Variants in PLEC observed in about 807,000 individuals in gnomAD.
The protein encoded by PLEC is plectin, also known as hemidesmosomal protein 1.
Under a neutral mutation model 392.8 loss-of-function variants are expected in PLEC, and 216 were observed. The ratio of observed to expected loss-of-function variants is 0.55; its 90% confidence interval spans 0.49 to 0.62. The LOEUF (loss-of-function observed/expected upper bound fraction) is 0.62. Among genes scored for constraint, PLEC ranks in the 20% least tolerant of loss-of-function variants. PLEC has a pLI of 0.00. For missense variants in PLEC, 6,863 were observed against 6,563.4 expected, an observed-to-expected ratio of 1.05 and a Z score of -1.58; for synonymous variants, 3,621 against 2,980.6, an observed-to-expected ratio of 1.21 and a Z score of -7.00.
chr8:143,925,585 C>T lies in PLEC; in HGVS notation c.4344G>A (p.Leu1448=), dbSNP rs1824816793. The stretch of plus-strand genomic sequence containing the variant: ...CCACGCGGATCTCCTCCTCGATGCG[C>T]AGCCGGCTGCGCTCAGCCGCCTCTG... ...RQAEAAERSR[L]RIEEEIRVVR... The change falls in exon 31 of 32, where the codon CTG becomes CTA. Residue 1448 remains leucine (L), a synonymous_variant. Transcript: ENST00000345136. 1.3e-6 allele frequency: 2 copies of T among 1,574,800 alleles called. No homozygotes were observed. The highest frequency in any genetic ancestry group is 2.3e-5 in the East Asian group (1 of 43,160).
In PLEC at chr8:143,950,358, G is replaced by A; in HGVS notation, c.349C>T (p.Gln117Ter). The change falls in exon 1 of 32, where the codon CAG becomes TAG. Residue 117 changes from glutamine (Q) to a stop codon, truncating the protein, a stop_gained. Coordinates refer to the PLEC transcript ENST00000322810. LOFTEE classifies it high-confidence loss of function. The stretch of plus-strand genomic sequence containing the variant: ...GAGCCCAGGGGACCCTGCACAGCCT[G>A]CACGTGGGGGGTGCGGCGTGCGGGC... The A allele has an allele frequency of 6.3e-7, 1 of 1,587,618 alleles. No homozygotes were observed. Among genetic ancestry groups the A allele is most frequent in the Non-Finnish European group, 8.6e-7 (1 of 1,168,208 alleles).
At chr8:143,944,523 T>C, upstream of PLEC, 1 of 514,768 alleles carries the variant, frequency 1.9e-6, no homozygotes, top group South Asian at 4.9e-5. Flanking sequence ...TGAGGGCACA[T>C]GAGGCAGGCT....
Position 143,965,034 on chromosome 8 carries a change from C to T in PLEC, c.70+8369G>A, listed in dbSNP as rs1431842287. ...ACCCTGGTGTGCCCCTGTGGATGGCCTTCCCCACCCTCACCGTCCCACTTG... is the reference window on the plus strand; with the variant it reads ...ACCCTGGTGTGCCCCTGTGGATGGCTTTCCCCACCCTCACCGTCCCACTTG... On this transcript the variant is annotated intron_variant, in intron 1 of 31. Transcript: ENST00000356346. 2.7e-5 allele frequency among the ~76,000 whole-genome samples: 3 copies of T among 110,000 alleles called. No individual in the cohort carries two copies. In the East Asian group the frequency reaches 9.3e-4, roughly 34 times the overall value. The allele number at this position is 110,000 out of a possible 152,430, so 72.2% of individuals were successfully genotyped here.
intron 1 of PLEC, among the ~76,000 whole-genome samples, chr8:143,947,025 G>A (rs1276462577): frequency 6.6e-6 from 1 of 152,108 alleles, no homozygotes; most frequent in African/African-American, 2.4e-5. Flanking sequence ...AAATCCCATC[G>A]TAACTACCCC....
chr8:143,953,939 C>G, upstream of PLEC: 1 of 1,398,068 alleles, frequency 7.2e-7, no homozygotes, highest in African/African-American at 1.5e-5. Flanking sequence ...CAGGGCCGCC[C>G]CGGGCGCATG....
intron 18 of PLEC, 36 bp from the exon 19 acceptor site, chr8:143,931,695 G>A (rs1554715669): frequency 6.3e-7 from 1 of 1,584,058 alleles, no homozygotes; most frequent in Non-Finnish European, 8.6e-7. Flanking sequence ...CAGGCTACCT[G>A]GGACCAGAGC....
rs782350953 is a variant in PLEC, at chr8:143,934,875, A to G, written c.880T>C (p.Trp294Arg). The G allele has an allele frequency of 6.2e-7, 1 of 1,611,468 alleles. No individual in the cohort carries two copies. Among genetic ancestry groups the G allele is most frequent in the Non-Finnish European group, 8.5e-7 (1 of 1,179,792 alleles). ...AAGGCGGCCGTGTGGTGTCGCATCC[A>G]CTGAAGCAGCAGCAGCACCAGCTCC... ...YRELVLLLLQ[W>R]MRHHTAAFEE... Residue 294 changes from tryptophan to arginine, a missense_variant, in exon 9 of 32, where the codon TGG becomes CGG. Trp to Arg is a moderately radical substitution (Grantham distance 101). Coordinates refer to ENST00000345136, the MANE Select transcript of PLEC (RefSeq NM_201384.3).
rs367564112 is a variant in PLEC at position 143,918,098 on chromosome 8, G to A, written c.11723C>T (p.Ala3908Val). The A allele has an allele frequency of 4.4e-5, 71 of 1,596,880 alleles. No individual in the cohort carries two copies. The highest frequency in any genetic ancestry group is 5.1e-5 in the Non-Finnish European group (60 of 1,175,642). The change falls in exon 32 of 32, where the codon GCG becomes GTG. Residue 3908 changes from alanine (A) to valine (V), a missense_variant. Coordinates refer to ENST00000345136, the MANE Select transcript of PLEC (RefSeq NM_201384.3). ...VRSQVMDEAT[A>V]LQLREGLTSI... ...GGTCAGGCCCTCCCGCAGCTGCAGCGCCGTGGCCTCGTCCATGACCTGCGA... is the reference window on the plus strand; with the variant it reads ...GGTCAGGCCCTCCCGCAGCTGCAGCACCGTGGCCTCGTCCATGACCTGCGA...
Position 143,918,747 on chromosome 8 carries a change from C to T in PLEC, c.11074G>A (p.Val3692Met), listed in dbSNP as rs201892506. 3.6e-5 allele frequency: 58 copies of T among 1,612,932 alleles called. No homozygotes were observed. The highest frequency in any genetic ancestry group is 1.6e-4 in the Middle Eastern group (1 of 6,084). The change falls in exon 32 of 32, where the codon GTG (valine) becomes ATG (methionine). Residue 3692 changes from valine to methionine, a missense_variant. Transcript: ENST00000345136. ...GAACCGGGCAGGTAGACACCAGCCA[C>T]GGAGCCCGTGCCATAGAGGTAGCAC... The part of the protein sequence containing the change: ...AWCYLYGTGS[V>M]AGVYLPGSRQ...
rs1288963885 is a variant in PLEC, at chr8:143,973,246, C to G, written c.70+157G>C. Among the ~76,000 whole-genome samples, 1 of 152,098 alleles carries G rather than the reference C, an allele frequency of 6.6e-6. No individual in the cohort carries two copies. Among genetic ancestry groups the G allele is most frequent in the African/African-American group, 2.4e-5 (1 of 41,432 alleles). ...TCAGCGGAGCGAGTCCTCCCCTTCCCTAGGCACTGGCAGCCGTTGGGGGCG... is the reference window on the plus strand; with the variant it reads ...TCAGCGGAGCGAGTCCTCCCCTTCCGTAGGCACTGGCAGCCGTTGGGGGCG... On this transcript the variant is annotated intron_variant, in intron 1 of 31. Transcript: ENST00000356346. The surrounding 1 kb of genome is among the most constrained non-coding windows in gnomAD (Gnocchi z 5.6).
intron 6 of PLEC, 142 bp from the exon 7 acceptor site, chr8:143,935,455 T>A: frequency 2.8e-6 from 2 of 704,754 alleles, no homozygotes; most frequent in Non-Finnish European, 5.1e-6. Context: ...CACTGTCACA[T>A]GGGCAGAGCT....
chr8:143,932,463 C>T lies in PLEC; in HGVS notation c.1914G>A (p.Glu638=), dbSNP rs782191395. ...GGTCGCTCCAGTCGAAGCCCACCTC[C>T]TCCTCCTCCTTCTCATTCAGCCACA... ...ELMWLNEKEE[E]EVGFDWSDRN... The change falls in exon 16 of 32, where the codon GAG becomes GAA. Residue 638 remains glutamate, a synonymous_variant. Transcript: ENST00000345136. 3 of 1,612,852 alleles carry T rather than the reference C, an allele frequency of 1.9e-6. No homozygotes were observed. Among genetic ancestry groups the T allele is most frequent in the Non-Finnish European group, 8.5e-7 (1 of 1,179,988 alleles).
rs377575422 is a variant in PLEC, at chr8:143,920,611, G to A, written c.9210C>T (p.Pro3070=). Residue 3070 remains proline (P), a synonymous_variant, in exon 32 of 32, where the codon CCC becomes CCT. Coordinates refer to ENST00000345136, the MANE Select transcript of PLEC (RefSeq NM_201384.3). Reference sequence around the variant, plus strand: ...CCACGGTCAGCCGGGCGCTGGTGGCGGGGTCGATGATGTGCCCGGTGCCGG... The same window carrying A: ...CCACGGTCAGCCGGGCGCTGGTGGCAGGGTCGATGATGTGCCCGGTGCCGG... ...AQAGTGHIID[P]ATSARLTVDE... is the part of the protein sequence containing the mutation. 117 of 1,608,478 alleles carry A rather than the reference G, an allele frequency of 7.3e-5. No homozygotes were observed. The highest frequency in any genetic ancestry group is 3.1e-4 in the African/African-American group (23 of 75,050).
chr8:143,941,846 C>T (rs2132437020), upstream of PLEC, among the ~76,000 whole-genome samples: 1 of 152,262 alleles, frequency 6.6e-6, no homozygotes, highest in African/African-American at 2.4e-5. Context: ...TGCCTGACAC[C>T]TGTGCTGTCC....
chr8:143,960,972 G>A (rs911478996), intron 1 of PLEC, among the ~76,000 whole-genome samples: 20 of 152,290 alleles, frequency 1.3e-4, no homozygotes, highest in Admixed American at 6.5e-4. Context: ...CACGGGGACC[G>A]TGACCCACGT....
At chr8:143,962,607 G>A (rs143683057) in intron 1 of PLEC, among the ~76,000 whole-genome samples, 3 of 152,324 alleles carry the variant, frequency 2.0e-5, no homozygotes, top group Non-Finnish European at 4.4e-5. Context: ...CTGACCAGAC[G>A]GTTGGTAGAA....
Position 143,919,890 on chromosome 8 carries a change from G to A in PLEC, c.9931C>T (p.Pro3311Ser), listed in dbSNP as rs782403798. The change falls in exon 32 of 32, where the codon CCT (proline) becomes TCT (serine). Residue 3311 changes from proline to serine, a missense_variant. Coordinates refer to ENST00000345136, the MANE Select transcript of PLEC (RefSeq NM_201384.3). ...GCCAGGAGCTCGCTGGCTGGCACAGGGGCACGGAGGCCGCTGAAGGACAGC... is the reference window on the plus strand; with the variant it reads ...GCCAGGAGCTCGCTGGCTGGCACAGAGGCACGGAGGCCGCTGAAGGACAGC... Reference protein sequence around the residue: ...ERLSFSGLRAPVPASELLASG... With the variant: ...ERLSFSGLRASVPASELLASG... 4.3e-6 allele frequency: 7 copies of A among 1,613,116 alleles called. No homozygotes were observed. In the South Asian group the frequency reaches 5.5e-5, roughly 13 times the overall value.
chr8:143,929,750 C>T lies in PLEC; in HGVS notation c.2819G>A (p.Ser940Asn), dbSNP rs1554711875. The T allele has an allele frequency of 6.3e-7, 1 of 1,599,916 alleles. No homozygotes were observed. The highest frequency in any genetic ancestry group is 8.5e-7 in the Non-Finnish European group (1 of 1,179,172). The part of the protein sequence containing the change: ...ELHYQAFLRD[S>N]QDAGGFGPED... Reference sequence around the variant, plus strand: ...GGGTCCGAAGCCGCCCGCGTCCTGGCTGTCCCGCAGGAAGGCCTGGTAGTG... The same window carrying T: ...GGGTCCGAAGCCGCCCGCGTCCTGGTTGTCCCGCAGGAAGGCCTGGTAGTG... Residue 940 changes from serine (S) to asparagine (N), a missense_variant, in exon 23 of 32, where the codon AGC (serine) becomes AAC (asparagine). Ser to Asn is a conservative substitution (Grantham distance 46). Transcript: ENST00000345136.
At position 143,924,081 on chromosome 8, in the gene PLEC, G is replaced by A. The variant is rs566539439; in HGVS notation, c.5848C>T (p.Arg1950Cys). ...GTGTCCTCCGCGTTGCTGCGGATGC[G>A]TCCCAGCTCCAGCTCCAGCTCCGCC... ...GKAELELELG[R>C]IRSNAEDTLR... The change falls in exon 31 of 32, where the codon CGC becomes TGC. Residue 1950 changes from arginine (R) to cysteine (C), a missense_variant. Physicochemically the swap from Arg to Cys is radical, Grantham distance 180. Transcript: ENST00000345136. 31 of 1,598,020 alleles carry A rather than the reference G, an allele frequency of 1.9e-5. No individual in the cohort carries two copies. Among genetic ancestry groups the A allele is most frequent in the East Asian group, 2.2e-5 (1 of 44,752 alleles).
Sources: allele counts gnomAD v4.1 joint callset (sites outside exome capture counted in the v4.1 genomes callset), GRCh38; gene constraint gnomAD v4.1.1; non-coding constraint Gnocchi (gnomAD v3.1); transcripts MANE v1.5; gene names NCBI Gene and HGNC (gene_info 2026-07-23, HGNC 2026-07-21).